The following ZMYM2 variants were observed in gnomAD, a reference collection of about 807,000 sequenced individuals.
The protein encoded by ZMYM2 is zinc finger MYM-type protein 2.
Under a neutral mutation model 162.8 loss-of-function variants are expected in ZMYM2, and 56 were observed. The observed-to-expected ratio is 0.34, with a 90% CI of 0.28 to 0.43. The LOEUF is 0.43. Ranked by LOEUF, ZMYM2 falls within the 20% of genes least tolerant of loss-of-function variation. ZMYM2 has a pLI of 1.00. For missense variants in ZMYM2, 1,275 were observed against 1,621.8 expected (o/e 0.79, Z 3.67); for synonymous variants, 510 against 541.6 (o/e 0.94, Z 0.81).
chr13:19,968,688 A>G (rs1437874510), intron 2 of ZMYM2, among the ~76,000 whole-genome samples: 1 of 152,360 alleles, frequency 6.6e-6, no homozygotes, highest in African/African-American at 2.4e-5. Flanking sequence ...GTTTCTTCCT[A>G]TTCTTGACTC....
At chr13:20,064,903 T>A (rs1333695539) in intron 19 of ZMYM2, among the ~76,000 whole-genome samples, 1 of 152,060 alleles carries the variant, frequency 6.6e-6, no homozygotes, top group Non-Finnish European at 1.5e-5. Flanking sequence ...AAACAGTTGC[T>A]AAAGTAGTAA....
At chr13:19,970,174 C>CA (rs1226274326) in intron 2 of ZMYM2, 1 of 489,590 alleles carries the variant, frequency 2.0e-6, no homozygotes, top group East Asian at 1.5e-4. Context: ...GGAACACCAA[C>CA]AAGTGGTCAT....
Position 20,036,669 on chromosome 13 carries a change from C to T in ZMYM2, c.2120-68C>T, listed in dbSNP as rs556428420. ...AGGAAAAATCTTGACCAATTAAGAT[C>T]TGTCTCTGCTCAATAATTAGTTTTC... On this transcript the variant is annotated intron_variant, in intron 11 of 24. Transcript: ENST00000610343. The T allele has an allele frequency of 9.8e-5, 126 of 1,280,940 alleles. No individual in the cohort carries two copies. The African/African-American group carries it at 1.8e-3, about 19-fold the overall frequency. The allele number at this position is 1,280,940 out of a possible 1,614,324, so 79.3% of individuals were successfully genotyped here. A position where few individuals can be genotyped will look rare whatever the true frequency, so the allele number is the denominator to read the frequency against.
At chr13:19,949,615 G>A in the ZMYM2 span, among the ~76,000 whole-genome samples, 4 of 151,410 alleles carry the variant, frequency 2.6e-5, no homozygotes, top group South Asian at 4.2e-4. Flanking sequence ...TAGGCTGGGC[G>A]AGGTGGCTCA....
chr13:19,945,919 A>C, the ZMYM2 span, among the ~76,000 whole-genome samples: 1 of 140,118 alleles, frequency 7.1e-6, no homozygotes, highest in Admixed American at 7.6e-5. Context: ...ATTGCACTCC[A>C]GCCTGGGCAA....
chr13:20,071,358 C>G (rs1375140739), intron 21 of ZMYM2, among the ~76,000 whole-genome samples: 3 of 152,184 alleles, frequency 2.0e-5, no homozygotes, highest in Non-Finnish European at 4.4e-5. Flanking sequence ...GCGTAAACAA[C>G]AAAGGAACGA....
At position 20,027,463 on chromosome 13, in the gene ZMYM2, A is replaced by T. The variant is rs562337317; in HGVS notation, c.1851+145A>T. On this transcript the variant is annotated intron_variant, in intron 9 of 24. Coordinates refer to ENST00000610343, the MANE Select transcript of ZMYM2 (RefSeq NM_197968.4). ...GGAAGGTGGATATCCTAGTCACAGA[A>T]TATGTGGCTGTACCAGTTTTCTATT... 2.0e-5 allele frequency: 12 copies of T among 588,900 alleles called. No individual in the cohort carries two copies. In the South Asian group the frequency reaches 3.5e-4, roughly 17 times the overall value. 36.5% of individuals were successfully genotyped at this position (588,900 alleles called of 1,614,324 possible). A position where few individuals can be genotyped will look rare whatever the true frequency, so the allele number is the denominator to read the frequency against.
At chr13:20,028,555 A>C (rs1052066591) in intron 9 of ZMYM2, among the ~76,000 whole-genome samples, 2 of 152,146 alleles carry the variant, frequency 1.3e-5, no homozygotes, top group African/African-American at 4.8e-5. Context: ...TTACCCCTTG[A>C]TATCCATGGG....
chr13:20,028,199 AT>A (rs1320912012), intron 9 of ZMYM2: 30 of 159,338 alleles, frequency 1.9e-4, no homozygotes, highest in African/African-American at 7.0e-4. Context: ...TAATAGTAAT[AT>A]TCTCACTGAG....
At chr13:20,032,661 T>A (rs1349634133) in intron 10 of ZMYM2, among the ~76,000 whole-genome samples, 2 of 132,904 alleles carry the variant, frequency 1.5e-5, no homozygotes, top group Non-Finnish European at 3.1e-5. Flanking sequence ...CAGGCTGGAG[T>A]ACAATGGCGT....
At chr13:20,028,741 T>C (rs749987981) in intron 9 of ZMYM2, among the ~76,000 whole-genome samples, 2 of 152,190 alleles carry the variant, frequency 1.3e-5, no homozygotes, top group Admixed American at 1.3e-4. Flanking sequence ...AGAGTTGTTA[T>C]ACTGTATTGT....
chr13:20,040,663 C>T (rs1014699630), intron 12 of ZMYM2, among the ~76,000 whole-genome samples: 1 of 152,114 alleles, frequency 6.6e-6, no homozygotes, highest in African/African-American at 2.4e-5. Context: ...TTGGTTTTCT[C>T]TTGGTTCTCT....
At chr13:19,991,884 C>T (rs965738302) in intron 2 of ZMYM2, among the ~76,000 whole-genome samples, 2 of 152,110 alleles carry the variant, frequency 1.3e-5, no homozygotes, top group African/African-American at 4.8e-5. Flanking sequence ...CCCACCTCAG[C>T]CTCCCAATGG....
At chr13:20,000,206 A>G (rs1214619969) in intron 3 of ZMYM2, among the ~76,000 whole-genome samples, 1 of 152,034 alleles carries the variant, frequency 6.6e-6, no homozygotes, top group Non-Finnish European at 1.5e-5. Context: ...GTTAGGCGCT[A>G]ACTCTTTTTC....
chr13:19,970,400 G>C (rs1202214335), intron 2 of ZMYM2, among the ~76,000 whole-genome samples: 1 of 151,972 alleles, frequency 6.6e-6, no homozygotes, highest in Non-Finnish European at 1.5e-5. Context: ...GATGAATATA[G>C]AAGTAAAAAA....
rs1299621218 is a variant in ZMYM2 at position 20,089,005 on chromosome 13, CTT to C, written c.*2992_*2993del. 5.0e-6 allele frequency: 1 copy of C among 198,102 alleles called. No individual in the cohort carries two copies. Among genetic ancestry groups the C allele is most frequent in the Non-Finnish European group, 1.0e-5 (1 of 95,704 alleles). The allele number at this position is 198,102 out of a possible 1,614,324, so 12.3% of individuals were successfully genotyped here. A position where few individuals can be genotyped will look rare whatever the true frequency, so the allele number is the denominator to read the frequency against. On this transcript the variant is annotated 3_prime_UTR_variant, in exon 25 of 25. Transcript: ENST00000610343. ...CCAAAATGTATTGTTATACATGTCA[CTT>C]ATGTTTTTAAGCTAATATTGACTGT...
chr13:20,015,943 A>G (rs1192280437), intron 6 of ZMYM2, among the ~76,000 whole-genome samples: 4 of 152,118 alleles, frequency 2.6e-5, no homozygotes, highest in African/African-American at 9.6e-5. Flanking sequence ...CAAAAAGCAG[A>G]AATTGACAGA....
intron 3 of ZMYM2, among the ~76,000 whole-genome samples, chr13:19,995,441 TGCTGTATC>T (rs1220071531): frequency 6.6e-6 from 1 of 152,214 alleles, no homozygotes; most frequent in Non-Finnish European, 1.5e-5. Context: ...GACAGAGTCT[TGCTGTATC>T]GCCCAGGCTG....
the ZMYM2 span, among the ~76,000 whole-genome samples, chr13:19,927,472 A>G: frequency 6.6e-6 from 1 of 152,208 alleles, no homozygotes; most frequent in African/African-American, 2.4e-5. Context: ...ACTAAATATA[A>G]TGCTTCCGTG....
Sources: gnomAD v4.1 joint callset for allele counts (sites outside exome capture counted in the v4.1 genomes callset) on GRCh38, gnomAD v4.1.1 for gene constraint, MANE v1.5 for transcripts, NCBI Gene and HGNC (gene_info 2026-07-23, HGNC 2026-07-21) for gene names.